The following TTC19 variants were observed in gnomAD, a reference collection of about 807,000 sequenced individuals.
The protein encoded by TTC19 is tetratricopeptide repeat domain 19, also known as tetratricopeptide repeat protein 19, mitochondrial.
In TTC19, 38 loss-of-function variants were observed where a neutral mutation model predicts 49.5. That is an observed-to-expected ratio of 0.77 (90% CI 0.59 to 1.01). The LOEUF is 1.01. TTC19 is among the 50% of genes least tolerant of loss of function. The pLI is 0.00. For missense variants in TTC19, 475 were observed against 477.7 expected, an observed-to-expected ratio of 0.99 and a Z score of 0.05; for synonymous variants, 204 against 185.2, an observed-to-expected ratio of 1.10 and a Z score of -0.83.
At chr17:16,026,999 A>G in intron 9 of TTC19, 2 of 528,612 alleles carry the variant, frequency 3.8e-6, no homozygotes. Flanking sequence ...GTGTTCAGTT[A>G]CAATGTGTTT....
At chr17:16,039,408 A>C in intron 2 of TTC19, 1 of 1,603,592 alleles carries the variant, frequency 6.2e-7, no homozygotes, top group Non-Finnish European at 8.5e-7. Flanking sequence ...AAAGCAGCAG[A>C]AAAGCACTAA....
rs200869824 is a variant in TTC19, at chr17:16,039,084, TC to T, written c.248-5418del. ...GCACCCGGCTGGCTTATGTTTCTTT[TC>T]TACTGAGCCTAATTTTTACAGTTAA... On this transcript the variant is annotated intron_variant, in intron 2 of 2. Transcript: ENST00000470649. The T allele has an allele frequency of 6.8e-3, 1,425 of 209,068 alleles. 24 individuals are homozygous for T. The highest frequency in any genetic ancestry group is 0.031 in the African/African-American group (1,323 of 42,988). The allele number at this position is 209,068 out of a possible 1,614,324, so 13.0% of individuals were successfully genotyped here. A position where few individuals can be genotyped will look rare whatever the true frequency, so the allele number is the denominator to read the frequency against.
At chr17:16,021,071 A>G (rs951563656) in intron 7 of TTC19, among the ~76,000 whole-genome samples, 9 of 152,174 alleles carry the variant, frequency 5.9e-5, no homozygotes, top group African/African-American at 1.9e-4. Context: ...ATATGCTGCT[A>G]GGTGCTGAGA....
intron 2 of TTC19, chr17:16,039,595 C>G: frequency 6.2e-7 from 1 of 1,614,156 alleles, no homozygotes; most frequent in East Asian, 2.2e-5. Flanking sequence ...CTGATAATGT[C>G]TTCCAGCCCA....
Position 16,000,326 on chromosome 17 carries a change from T to C in TTC19, c.312+81T>C, listed in dbSNP as rs757595514. Reference sequence around the variant, plus strand: ...GTCTTGGCGTTGCTGCGCATTACTCTCTCCGCCTCGCCGAAGAGTGGATGG... The same window carrying C: ...GTCTTGGCGTTGCTGCGCATTACTCCCTCCGCCTCGCCGAAGAGTGGATGG... On this transcript the variant is annotated intron_variant, in intron 2 of 9. Transcript: ENST00000261647. 1.9e-6 allele frequency: 3 copies of C among 1,561,302 alleles called. No homozygotes were observed. In the East Asian group the frequency reaches 6.9e-5, roughly 36 times the overall value.
chr17:16,032,447 C>T (rs1972218243), downstream of TTC19: 9 of 1,611,698 alleles, frequency 5.6e-6, no homozygotes, highest in African/African-American at 1.3e-5. Flanking sequence ...GCTGAGCATC[C>T]GCATAGTCAG....
chr17:16,031,501 C>T (rs1971987972), downstream of TTC19: 1 of 204,148 alleles, frequency 4.9e-6, no homozygotes, highest in African/African-American at 2.3e-5. Flanking sequence ...GTTAAATTAC[C>T]AGTGTGCGTA....
At chr17:16,024,116 A>G (rs1041412460) in intron 7 of TTC19, 1 of 152,138 alleles carries the variant, frequency 6.6e-6, no homozygotes. Flanking sequence ...GATATAGGTT[A>G]CCGTTCTCTA....
intron 5 of TTC19, 116 bp downstream of exon 5, chr17:16,004,003 C>G: frequency 8.3e-7 from 1 of 1,211,982 alleles, no homozygotes; most frequent in South Asian, 1.3e-5. Context: ...TGGAGTTTCC[C>G]TTCTGAGATC....
chr17:16,001,799 A>C (rs1970743772), intron 2 of TTC19, 116 bp from the exon 3 acceptor site: 1 of 737,182 alleles, frequency 1.4e-6, no homozygotes, highest in Non-Finnish European at 2.4e-6. Context: ...TAAATGTCTG[A>C]TGAATGAGTT....
At chr17:16,041,795 G>C (rs896505227) in intron 2 of TTC19, among the ~76,000 whole-genome samples, 3 of 151,744 alleles carry the variant, frequency 2.0e-5, no homozygotes, top group African/African-American at 7.3e-5. Context: ...GGAGTGCAGC[G>C]GTGCGATCTT....
intron 7 of TTC19, among the ~76,000 whole-genome samples, chr17:16,012,801 G>C (rs1360144401): frequency 6.6e-6 from 1 of 152,010 alleles, no homozygotes; most frequent in African/African-American, 2.4e-5. Flanking sequence ...ACCTCCCAAA[G>C]TGCTGGGATT....
chr17:16,032,442 G>T, downstream of TTC19: 1 of 1,612,388 alleles, frequency 6.2e-7, no homozygotes, highest in East Asian at 2.2e-5. Context: ...GTACTGCTGA[G>T]CATCCGCATA....
intron 7 of TTC19, among the ~76,000 whole-genome samples, chr17:16,022,011 C>T (rs1211986506): frequency 6.6e-6 from 1 of 152,150 alleles, no homozygotes; most frequent in Admixed American, 6.5e-5. Flanking sequence ...TGTTGTCTCC[C>T]TGTGCCTGTG....
At chr17:16,008,594 G>C (rs1011193879) in intron 7 of TTC19, among the ~76,000 whole-genome samples, 5 of 152,152 alleles carry the variant, frequency 3.3e-5, no homozygotes, top group Non-Finnish European at 7.3e-5. Context: ...GCATGGACCT[G>C]TAAGGCGCTT....
At chr17:16,020,100 C>G (rs778243728) in intron 7 of TTC19, among the ~76,000 whole-genome samples, 1 of 152,074 alleles carries the variant, frequency 6.6e-6, no homozygotes, top group African/African-American at 2.4e-5. Flanking sequence ...CACTGCAAGA[C>G]TTTGTCTCAA....
chr17:16,001,816 CTTCT>C, intron 2 of TTC19, 95 bp from the exon 3 acceptor site: 1 of 794,348 alleles, frequency 1.3e-6, no homozygotes, highest in Non-Finnish European at 2.2e-6. Context: ...AGTTAGCTTC[CTTCT>C]ATCAGTTGGG....
intron 4 of TTC19, among the ~76,000 whole-genome samples, chr17:16,003,336 G>A (rs1462008924): frequency 2.6e-5 from 4 of 151,954 alleles, no homozygotes; most frequent in South Asian, 4.1e-4. Flanking sequence ...CTGCAACCTC[G>A]ACCTGCCAGG....
Position 16,000,179 on chromosome 17 carries a change from G to T in TTC19, c.246G>T (p.Gly82=). 6.3e-7 allele frequency: 1 copy of T among 1,592,830 alleles called. No homozygotes were observed. The highest frequency in any genetic ancestry group is 8.5e-7 in the Non-Finnish European group (1 of 1,178,152). ...AGGAGGAGCAGCAGGGAGCCGACGG[G>T]GCCGCTGCCGAGGACGGGGCGGACG... is the stretch of plus-strand genomic sequence containing the variant. ...AEEEEQQGAD[G]AAAEDGADEA... Residue 82 remains glycine, a synonymous_variant, in exon 2 of 10, where the codon GGG becomes GGT. Coordinates refer to ENST00000261647, the MANE Select transcript of TTC19 (RefSeq NM_017775.4).
Sources: allele counts gnomAD v4.1 joint callset (sites outside exome capture counted in the v4.1 genomes callset), GRCh38; gene constraint gnomAD v4.1.1; transcripts MANE v1.5; gene names NCBI Gene and HGNC (gene_info 2026-07-23, HGNC 2026-07-21).